The following SRD5A2 variants were observed in gnomAD, a reference collection of about 807,000 sequenced individuals.
The protein encoded by SRD5A2 is 3-oxo-5-alpha-steroid 4-dehydrogenase 2.
SRD5A2 carries 30 observed loss-of-function variants against 27.4 expected under a neutral mutation model. That is an observed-to-expected ratio of 1.10 (90% CI 0.82 to 1.49). The LOEUF is 1.49. Among genes scored for constraint, SRD5A2 ranks in the 40% most tolerant of loss-of-function variants. The pLI is 0.00. For missense variants in SRD5A2, 348 were observed against 323.4 expected, an observed-to-expected ratio of 1.08 and a Z score of -0.58; for synonymous variants, 141 against 133.6, an observed-to-expected ratio of 1.06 and a Z score of -0.38.
chr2:31,533,097 G>C lies in SRD5A2; in HGVS notation c.445+506C>G, dbSNP rs546949214. Reference sequence around the variant, plus strand: ...TTCTTTCAGCTTATCAGCTATCATTGGTGTTAGTGAATTATATGTGTAGCC... The same window carrying C: ...TTCTTTCAGCTTATCAGCTATCATTCGTGTTAGTGAATTATATGTGTAGCC... On this transcript the variant is annotated intron_variant, in intron 2 of 4. Coordinates refer to ENST00000622030, the MANE Select transcript of SRD5A2 (RefSeq NM_000348.4). Among the ~76,000 whole-genome samples, 436 of 152,192 alleles carry C rather than the reference G, an allele frequency of 2.9e-3. 1 individual carries two copies. The highest frequency in any genetic ancestry group is 6.8e-3 in the Middle Eastern group (2 of 294).
Position 31,523,383 on chromosome 2 carries a change from G to C in SRD5A2, c.*2813C>G, listed in dbSNP as rs1367403313. 1 of 214,342 alleles carries C rather than the reference G, an allele frequency of 4.7e-6. No individual in the cohort carries two copies. Among genetic ancestry groups the C allele is most frequent in the African/African-American group, 2.3e-5 (1 of 44,290 alleles). The allele number at this position is 214,342 out of a possible 1,614,324, so 13.3% of individuals were successfully genotyped here. On this transcript the variant is annotated 3_prime_UTR_variant, in exon 5 of 5. Transcript: ENST00000622030. ...TAGAAATCCAGATGGCAGCCCTAAA[G>C]GCTGTGCCTTAAGCAGAAGAAGCAT...
chr2:31,614,740 G>C, the SRD5A2 span, among the ~76,000 whole-genome samples: 1 of 152,216 alleles, frequency 6.6e-6, no homozygotes, highest in Non-Finnish European at 1.5e-5. Context: ...AAATCTAGGC[G>C]GAAGTTCCAA....
chr2:31,624,982 T>C, the SRD5A2 span, among the ~76,000 whole-genome samples: 1 of 152,184 alleles, frequency 6.6e-6, no homozygotes, highest in East Asian at 1.9e-4. Flanking sequence ...ACCAACAGAG[T>C]AAAAGTGTTC....
chr2:31,552,626 C>A (rs1382496549), intron 1 of SRD5A2, among the ~76,000 whole-genome samples: 1 of 151,998 alleles, frequency 6.6e-6, no homozygotes, highest in Non-Finnish European at 1.5e-5. Flanking sequence ...CACTACATTG[C>A]CAGAAGAATG....
chr2:31,625,063 G>C, the SRD5A2 span, among the ~76,000 whole-genome samples: 2 of 152,160 alleles, frequency 1.3e-5, no homozygotes, highest in South Asian at 4.1e-4. Context: ...TAACTGGTGT[G>C]AGATGGTATC....
intron 4 of SRD5A2, among the ~76,000 whole-genome samples, 186 bp downstream of exon 4, chr2:31,529,121 C>T (rs1665846078): frequency 6.6e-6 from 1 of 152,250 alleles, no homozygotes; most frequent in Admixed American, 6.5e-5. Context: ...CTGCTACTCT[C>T]ATCCAGCTAA....
rs543095997 is a variant in SRD5A2 at position 31,525,603 on chromosome 2, A to C, written c.*593T>G. On this transcript the variant is annotated 3_prime_UTR_variant, in exon 5 of 5. Transcript: ENST00000622030. ...TTTGAAATGAGGTCAATGCATCAGT[A>C]TCTTTTCAGCACTATGAGGAGAGGG... The C allele has an allele frequency of 4.4e-6, 1 of 226,970 alleles. No individual in the cohort carries two copies. The highest frequency in any genetic ancestry group is 8.8e-6 in the Non-Finnish European group (1 of 114,206). 14.1% of individuals were successfully genotyped at this position (226,970 alleles called of 1,614,324 possible). A position where few individuals can be genotyped will look rare whatever the true frequency, so the allele number is the denominator to read the frequency against.
the SRD5A2 span, among the ~76,000 whole-genome samples, chr2:31,624,967 C>T: frequency 1.3e-5 from 2 of 152,170 alleles, no homozygotes; most frequent in African/African-American, 4.8e-5. Context: ...CTAGTTTACG[C>T]TCCCACCAAC....
At chr2:31,543,816 T>C (rs1220791333) in intron 1 of SRD5A2, among the ~76,000 whole-genome samples, 1 of 152,040 alleles carries the variant, frequency 6.6e-6, no homozygotes, top group East Asian at 1.9e-4. Context: ...AAAACAAATA[T>C]AAAAATTATA....
At chr2:31,529,533 A>C in intron 3 of SRD5A2, 76 bp from the exon 4 acceptor site, 1 of 1,547,878 alleles carries the variant, frequency 6.5e-7, no homozygotes, top group Non-Finnish European at 8.7e-7. Context: ...TGTTGTTCCA[A>C]AATACACAAA....
Position 31,580,661 on chromosome 2 carries a change from C to T in SRD5A2, c.240G>A (p.Gly80=). 1 of 1,593,236 alleles carries T rather than the reference C, an allele frequency of 6.3e-7. No homozygotes were observed. Among genetic ancestry groups the T allele is most frequent in the South Asian group, 1.1e-5 (1 of 89,724 alleles). The change falls in exon 1 of 5, where the codon GGG becomes GGA. Residue 80 remains glycine, a synonymous_variant. Transcript: ENST00000622030. ...RQPLSLFGPP[G]TVLLGLFCLH... ...GGCAGAAGAGGCCCAGAAGTACCGTCCCAGGTGGCCCGAAGAGGGAGAGGG... is the reference window on the plus strand; with the variant it reads ...GGCAGAAGAGGCCCAGAAGTACCGTTCCAGGTGGCCCGAAGAGGGAGAGGG...
chr2:31,638,502 C>T, the SRD5A2 span, among the ~76,000 whole-genome samples: 1 of 151,940 alleles, frequency 6.6e-6, no homozygotes. Context: ...GATGATCTGT[C>T]CATTAGTAAC....
At position 31,524,975 on chromosome 2, in the gene SRD5A2, T is replaced by G. The variant is rs1328900423; in HGVS notation, c.*1221A>C. 2 of 221,330 alleles carry G rather than the reference T, an allele frequency of 9.0e-6. No homozygotes were observed. The highest frequency in any genetic ancestry group is 1.8e-5 in the Non-Finnish European group (2 of 110,628). The allele number at this position is 221,330 out of a possible 1,614,324, so 13.7% of individuals were successfully genotyped here. A position where few individuals can be genotyped will look rare whatever the true frequency, so the allele number is the denominator to read the frequency against. On this transcript the variant is annotated 3_prime_UTR_variant, in exon 5 of 5. Coordinates refer to ENST00000622030, the MANE Select transcript of SRD5A2 (RefSeq NM_000348.4). ...TCTGTATGTTCAGATCCTCCAACTTTTTAAATGAAACTAGAATGCTAGAGT... is the reference window on the plus strand; with the variant it reads ...TCTGTATGTTCAGATCCTCCAACTTGTTAAATGAAACTAGAATGCTAGAGT...
chr2:31,662,603 G>C, the SRD5A2 span, among the ~76,000 whole-genome samples: 4 of 152,088 alleles, frequency 2.6e-5, no homozygotes, highest in Admixed American at 1.3e-4. Context: ...ATCGTGCCTG[G>C]TCTGTTTTGT....
intron 4 of SRD5A2, 45 bp from the exon 5 acceptor site, chr2:31,526,307 G>T: frequency 7.9e-7 from 1 of 1,261,000 alleles, no homozygotes; most frequent in Non-Finnish European, 1.1e-6. Flanking sequence ...TGGAGCAGTG[G>T]CTGACAGCTG....
At chr2:31,602,406 G>C in the SRD5A2 span, among the ~76,000 whole-genome samples, 5 of 152,054 alleles carry the variant, frequency 3.3e-5, no homozygotes, top group African/African-American at 1.2e-4. Flanking sequence ...AGAAATAAGA[G>C]AGGACGCAAA....
chr2:31,606,635 G>C, the SRD5A2 span, among the ~76,000 whole-genome samples: 1 of 151,726 alleles, frequency 6.6e-6, no homozygotes, highest in Admixed American at 6.6e-5. Flanking sequence ...TATTATGTAC[G>C]GATGACAGAC....
the SRD5A2 span, among the ~76,000 whole-genome samples, chr2:31,641,444 C>T: frequency 1.3e-5 from 2 of 152,088 alleles, no homozygotes; most frequent in African/African-American, 4.8e-5. Flanking sequence ...AAAGCTGAGA[C>T]AATTCATTTC....
chr2:31,594,918 T>C, the SRD5A2 span, among the ~76,000 whole-genome samples: 1 of 152,174 alleles, frequency 6.6e-6, no homozygotes, highest in Non-Finnish European at 1.5e-5. Flanking sequence ...CTCAAAACTA[T>C]ACAAATACAT....
Sources: gnomAD v4.1 joint callset for allele counts (sites outside exome capture counted in the v4.1 genomes callset) on GRCh38, gnomAD v4.1.1 for gene constraint, MANE v1.5 for transcripts, NCBI Gene and HGNC (gene_info 2026-07-23, HGNC 2026-07-21) for gene names.